RHBDL2: variants seen among roughly 807,000 people sequenced by gnomAD.
RHBDL2 encodes the protein rhomboid like 2, also known as rhomboid-related protein 2.
In RHBDL2, 26 loss-of-function variants were observed where a neutral mutation model predicts 31.7. The observed-to-expected ratio is 0.82, with a 90% CI of 0.60 to 1.14. The LOEUF is 1.14. Ranked by LOEUF, RHBDL2 falls within the 50% of genes most tolerant of loss-of-function variation. RHBDL2 has a pLI of 0.00. For missense variants in RHBDL2, 336 were observed against 364.4 expected (o/e 0.92, Z 0.63); for synonymous variants, 123 against 127.2 (o/e 0.97, Z 0.22).
In RHBDL2 at chr1:38,886,451, T is replaced by C. The variant is rs930997923; in HGVS notation, c.*53A>G. Reference sequence around the variant, plus strand: ...TTTCTTCATAGAGTCTTCCTTTTTTTTTTATTTCCTCCAGATGGCTCTTTT... The same window carrying C: ...TTTCTTCATAGAGTCTTCCTTTTTTCTTTATTTCCTCCAGATGGCTCTTTT... On this transcript the variant is annotated 3_prime_UTR_variant, in exon 8 of 8. Transcript: ENST00000372990. The C allele has an allele frequency of 7.4e-7, 1 of 1,344,404 alleles. No homozygotes were observed. Among genetic ancestry groups the C allele is most frequent in the Non-Finnish European group, 1.0e-6 (1 of 1,003,414 alleles). The allele number at this position is 1,344,404 out of a possible 1,614,324, so 83.3% of individuals were successfully genotyped here. A position where few individuals can be genotyped will look rare whatever the true frequency, so the allele number is the denominator to read the frequency against.
chr1:38,892,819 A>G (rs765681207), intron 6 of RHBDL2, among the ~76,000 whole-genome samples: 15 of 152,250 alleles, frequency 9.9e-5, no homozygotes, highest in South Asian at 4.1e-4. Context: ...TGTTCTAACC[A>G]TAAGACTAGT....
chr1:38,916,624 G>T (rs914434015), intron 2 of RHBDL2, among the ~76,000 whole-genome samples: 1 of 151,938 alleles, frequency 6.6e-6, no homozygotes, highest in African/African-American at 2.4e-5. Context: ...GAGGCAGGTG[G>T]ATCACCTGAG....
At chr1:38,931,888 G>A (rs1305599630) in intron 1 of RHBDL2, among the ~76,000 whole-genome samples, 1 of 152,106 alleles carries the variant, frequency 6.6e-6, no homozygotes, top group South Asian at 2.1e-4. Flanking sequence ...GACTAAAGAC[G>A]GAGCATATAA....
At chr1:38,897,249 C>T (rs1047489593) in intron 4 of RHBDL2, among the ~76,000 whole-genome samples, 5 of 152,014 alleles carry the variant, frequency 3.3e-5, no homozygotes, top group African/African-American at 7.2e-5. Context: ...TACAGGCGCC[C>T]GCCACCACGC....
At chr1:38,938,229 C>A (rs1301916183) in intron 1 of RHBDL2, among the ~76,000 whole-genome samples, 1 of 151,882 alleles carries the variant, frequency 6.6e-6, no homozygotes, top group Non-Finnish European at 1.5e-5. Flanking sequence ...ATTGGTCAGG[C>A]TGGTCTCGAA....
At chr1:38,888,064 A>C in intron 6 of RHBDL2, 40 bp from the exon 7 acceptor site, 47 of 1,331,354 alleles carry the variant, frequency 3.5e-5, no homozygotes, top group Non-Finnish European at 4.7e-5. Flanking sequence ...CAGAATCTCC[A>C]CAGTAGTACA....
intron 1 of RHBDL2, among the ~76,000 whole-genome samples, chr1:38,932,096 A>T (rs1307974377): frequency 6.6e-6 from 1 of 152,122 alleles, no homozygotes; most frequent in Non-Finnish European, 1.5e-5. Flanking sequence ...GCCTAACACC[A>T]TATAACCTAA....
Position 38,897,626 on chromosome 1 carries a change from G to A in RHBDL2, c.509-1557C>T, listed in dbSNP as rs562987247. Reference sequence around the variant, plus strand: ...GCTACTCAAGAGGCTGAGCCAATAGGATCACTTGAGCCCAGGAGTTTGAGG... The same window carrying A: ...GCTACTCAAGAGGCTGAGCCAATAGAATCACTTGAGCCCAGGAGTTTGAGG... On this transcript the variant is annotated intron_variant, in intron 4 of 7. Transcript: ENST00000372990. 3.9e-5 allele frequency among the ~76,000 whole-genome samples: 6 copies of A among 152,238 alleles called. 1 individual carries two copies. The South Asian group carries it at 1.2e-3, about 32-fold the overall frequency.
chr1:38,904,471 CA>C (rs1171195145), intron 4 of RHBDL2, among the ~76,000 whole-genome samples: 11 of 122,488 alleles, frequency 9.0e-5, no homozygotes, highest in Admixed American at 8.3e-5. Context: ...GACTCCGTCT[CA>C]AAAAAAAAAG....
chr1:38,932,928 C>T (rs1426968374), intron 1 of RHBDL2, among the ~76,000 whole-genome samples: 2 of 152,096 alleles, frequency 1.3e-5, no homozygotes, highest in African/African-American at 4.8e-5. Context: ...ATGTCTGACC[C>T]GAAATTACCC....
intron 1 of RHBDL2, among the ~76,000 whole-genome samples, chr1:38,922,864 G>A (rs763835305): frequency 1.4e-4 from 22 of 152,148 alleles, no homozygotes; most frequent in Non-Finnish European, 2.9e-4. Flanking sequence ...GGCCGAGGTC[G>A]GTGGATCACC....
At chr1:38,894,617 G>A (rs1642891833) in intron 5 of RHBDL2, among the ~76,000 whole-genome samples, 1 of 151,402 alleles carries the variant, frequency 6.6e-6, no homozygotes, top group Non-Finnish European at 1.5e-5. Context: ...CACCATGCCT[G>A]GCCTAGAAAT....
chr1:38,935,387 A>T (rs191730120), intron 1 of RHBDL2, among the ~76,000 whole-genome samples: 2 of 152,216 alleles, frequency 1.3e-5, no homozygotes, highest in African/African-American at 4.8e-5. Flanking sequence ...TAAAACACAA[A>T]TTCTAGAGGA....
rs557543194 is a variant in RHBDL2 at position 38,894,513 on chromosome 1, G to A, written c.610-1289C>T. Among the ~76,000 whole-genome samples, 6 of 151,894 alleles carry A rather than the reference G, an allele frequency of 4.0e-5. No homozygotes were observed. The East Asian group carries it at 1.2e-3, about 30-fold the overall frequency. On this transcript the variant is annotated intron_variant, in intron 5 of 7. Transcript: ENST00000372990. Reference sequence around the variant, plus strand: ...AATTTTTGTATTTTTAGTAGAGACGGGGTTTCACCACGTTGGCCAGGATGG... The same window carrying A: ...AATTTTTGTATTTTTAGTAGAGACGAGGTTTCACCACGTTGGCCAGGATGG...
At chr1:38,909,829 C>G (rs1643116765) in intron 4 of RHBDL2, among the ~76,000 whole-genome samples, 1 of 152,100 alleles carries the variant, frequency 6.6e-6, no homozygotes, top group Admixed American at 6.6e-5. Flanking sequence ...TGCCTTTGGA[C>G]ATTTATCCTA....
intron 5 of RHBDL2, among the ~76,000 whole-genome samples, chr1:38,894,697 CTTTTT>C (rs1422493131): frequency 5.9e-5 from 4 of 67,368 alleles, no homozygotes; most frequent in Admixed American, 1.9e-4. Flanking sequence ...TCTTTTTTTT[CTTTTT>C]TTTTCTTTTT....
At position 38,893,204 on chromosome 1, in the gene RHBDL2, A is replaced by G; in HGVS notation, c.630T>C (p.Pro210=). ...TCAGCAGTCTGAAAATTCCAAAGGC[A>G]GGAATCATTTCTTGAAAATTCTTAA... The part of the protein sequence containing the change: ...NVLVNFQEMI[P]AFGIFRLLII... The change falls in exon 6 of 8, where the codon CCT becomes CCC. Residue 210 remains proline (P), a synonymous_variant. Coordinates refer to ENST00000372990, the MANE Select transcript of RHBDL2 (RefSeq NM_017821.5). The G allele has an allele frequency of 1.3e-6, 2 of 1,567,876 alleles. No homozygotes were observed.
At chr1:38,888,836 T>G (rs4589074) in intron 6 of RHBDL2, among the ~76,000 whole-genome samples, 54,547 of 151,930 alleles carry the variant, frequency 0.36, 10,953 homozygotes, top group Non-Finnish European at 0.45. Flanking sequence ...TGAGTTGTAC[T>G]CTCCTTAGTA....
In RHBDL2 at chr1:38,893,176, T is replaced by C; in HGVS notation, c.658A>G (p.Ile220Val). The C allele has an allele frequency of 6.4e-7, 1 of 1,567,360 alleles. No homozygotes were observed. The highest frequency in any genetic ancestry group is 8.8e-7 in the Non-Finnish European group (1 of 1,138,452). Residue 220 changes from isoleucine (I) to valine (V), a missense_variant, in exon 6 of 8, where the codon ATC becomes GTC. Transcript: ENST00000372990. ...PAFGIFRLLI[I>V]ILIIVLDMGF... ...AAAACACACTTACTTATCAGGATGA[T>C]GATCAGCAGTCTGAAAATTCCAAAG...
Sources: allele counts gnomAD v4.1 joint callset (sites outside exome capture counted in the v4.1 genomes callset), GRCh38; gene constraint gnomAD v4.1.1; transcripts MANE v1.5; gene names NCBI Gene and HGNC (gene_info 2026-07-23, HGNC 2026-07-21).